Variants in BEST1 observed in about 807,000 individuals in gnomAD.
BEST1 encodes bestrophin-1.
A neutral mutation model predicts 63.3 loss-of-function variants in BEST1; 58 were observed. The observed-to-expected ratio is 0.92, with a 90% confidence interval of 0.74 to 1.14. BEST1 has a LOEUF of 1.14. Ranked by LOEUF, BEST1 falls within the 50% of genes most tolerant of loss-of-function variation. BEST1 has a pLI of 0.00. For synonymous variants in BEST1, 283 were observed against 291.6 expected (o/e 0.97, Z 0.30); for missense variants, 671 against 740.1 (o/e 0.91, Z 1.08).
rs527614503 is a variant in BEST1 at position 61,962,235 on chromosome 11, C to A, written c.1101-20C>A. ...TCCTTTGTCCACTGGCTCAGCCCTGCATCTCCTGTTTCTTTCCAGCCTGAA... is the reference window on the plus strand; with the variant it reads ...TCCTTTGTCCACTGGCTCAGCCCTGAATCTCCTGTTTCTTTCCAGCCTGAA... On this transcript the variant is annotated intron_variant, in intron 9 of 10. Transcript: ENST00000378043. The A allele has an allele frequency of 3.4e-5, 55 of 1,612,958 alleles. No homozygotes were observed. The highest frequency in any genetic ancestry group is 4.2e-5 in the Non-Finnish European group (49 of 1,179,686).
downstream of BEST1, chr11:61,964,488 G>T (rs1942389559): frequency 1.6e-6 from 1 of 627,130 alleles, no homozygotes; most frequent in Admixed American, 2.9e-5. Context: ...GATTAGAACT[G>T]AACAACGGCA....
At chr11:61,959,198 A>C (rs897435551) in intron 7 of BEST1, 5 of 467,380 alleles carry the variant, frequency 1.1e-5, no homozygotes, top group Non-Finnish European at 2.0e-5. Context: ...AAAATTATGC[A>C]ACTCCAGGTA....
chr11:61,960,196 C>T lies in BEST1; in HGVS notation c.1100+153C>T, dbSNP rs185881653. On this transcript the variant is annotated intron_variant, in intron 9 of 10. Transcript: ENST00000378043. ...TTTATAAACATTAACTATTTTTTTC[C>T]TCCCAATAATTCTGGTTTGTTATCC... 1.0e-4 allele frequency: 111 copies of T among 1,105,668 alleles called. No individual in the cohort carries two copies. The African/African-American group carries it at 1.6e-3, about 16-fold the overall frequency. 68.5% of individuals were successfully genotyped at this position (1,105,668 alleles called of 1,614,324 possible).
intron 5 of BEST1, among the ~76,000 whole-genome samples, 157 bp from the exon 6 acceptor site, chr11:61,957,230 A>G (rs1375220236): frequency 5.3e-5 from 8 of 152,088 alleles, no homozygotes; most frequent in Admixed American, 5.2e-4. Flanking sequence ...ATAGATGAGG[A>G]AGCTGAGACA....
chr11:61,955,481 G>A (rs1316891620), intron 3 of BEST1: 2 of 1,233,470 alleles, frequency 1.6e-6, no homozygotes, highest in African/African-American at 3.0e-5. Context: ...AGGGGAGGGG[G>A]TCTGGCGGAT....
intron 9 of BEST1, 134 bp from the exon 10 acceptor site, chr11:61,962,121 G>A: frequency 1.1e-6 from 1 of 872,852 alleles, no homozygotes; most frequent in South Asian, 1.5e-5. Context: ...GGTGAGAGCT[G>A]GGGCATGGTG....
At chr11:61,960,208 C>A in intron 9 of BEST1, 165 bp downstream of exon 9, 1 of 1,040,590 alleles carries the variant, frequency 9.6e-7, no homozygotes, top group Non-Finnish European at 1.4e-6. Context: ...CCCAATAATT[C>A]TGGTTTGTTA....
chr11:61,965,461 G>T (rs1942432018), downstream of BEST1: 6 of 1,609,818 alleles, frequency 3.7e-6, no homozygotes, highest in South Asian at 1.1e-5. Context: ...GATTGGTGAA[G>T]AAAGTATTTG....
chr11:61,955,141 G>A lies in BEST1; in HGVS notation c.187G>A (p.Glu63Lys), dbSNP rs1201722852. The A allele has an allele frequency of 2.5e-6, 4 of 1,613,268 alleles. No individual in the cohort carries two copies. The highest frequency in any genetic ancestry group is 1.1e-5 in the South Asian group (1 of 91,074). ...CACGGAAGAACAACAGCTGATGTTT[G>A]AGAAACTGACTCTGTATTGCGACAG... Reference protein sequence around the residue: ...ALTEEQQLMFEKLTLYCDSYI... With the variant: ...ALTEEQQLMFKKLTLYCDSYI... The change falls in exon 3 of 11, where the codon GAG becomes AAG. Residue 63 changes from glutamate (E) to lysine (K), a missense_variant. Physicochemically the swap from Glu to Lys is moderately conservative, Grantham distance 56. Coordinates refer to ENST00000378043, the MANE Select transcript of BEST1 (RefSeq NM_004183.4).
chr11:61,955,572 C>T lies in BEST1; in HGVS notation c.248-146C>T, dbSNP rs1423821552. On this transcript the variant is annotated intron_variant, in intron 3 of 10. Transcript: ENST00000378043. ...TCCATGCGAGGCTCTGCCTGCCTCT[C>T]GCTCCCGAGCGCCTTCCAGGAGGGC... 10 of 1,045,538 alleles carry T rather than the reference C, an allele frequency of 9.6e-6. No homozygotes were observed. In the South Asian group the frequency reaches 1.3e-4, roughly 14 times the overall value. 64.8% of individuals were successfully genotyped at this position (1,045,538 alleles called of 1,614,324 possible). A position where few individuals can be genotyped will look rare whatever the true frequency, so the allele number is the denominator to read the frequency against.
At chr11:61,963,925 G>C in intron 10 of BEST1, 179 bp from the exon 11 acceptor site, 1 of 1,422,562 alleles carries the variant, frequency 7.0e-7, no homozygotes, top group Non-Finnish European at 9.3e-7. Flanking sequence ...TTGAACCCAG[G>C]AGGTGGTGGT....
At chr11:61,964,716 T>C (rs1591320009), downstream of BEST1, 1 of 1,597,844 alleles carries the variant, frequency 6.3e-7, no homozygotes, top group Non-Finnish European at 8.5e-7. Flanking sequence ...ATGGGGAAAT[T>C]AGCCCGAGGC....
chr11:61,958,447 C>G, intron 7 of BEST1, 149 bp downstream of exon 7: 1 of 1,539,308 alleles, frequency 6.5e-7, no homozygotes. Context: ...GTAATCCCAG[C>G]TACTCGGGAG....
intron 1 of BEST1, among the ~76,000 whole-genome samples, chr11:61,951,295 C>T (rs1940629047): frequency 6.6e-6 from 1 of 152,130 alleles, no homozygotes; most frequent in African/African-American, 2.4e-5. Context: ...GCAACCTCCA[C>T]CTCCTGGGTT....
chr11:61,951,553 C>T (rs1208138085), intron 1 of BEST1, among the ~76,000 whole-genome samples: 1 of 152,168 alleles, frequency 6.6e-6, no homozygotes, highest in African/African-American at 2.4e-5. Flanking sequence ...CGCCTATCTA[C>T]GTCTTCCCTG....
At chr11:61,956,544 A>C (rs1317425506) in intron 4 of BEST1, among the ~76,000 whole-genome samples, 1 of 151,936 alleles carries the variant, frequency 6.6e-6, no homozygotes. Context: ...TCTGAGGCTG[A>C]GTATCGGGAG....
At position 61,963,338 on chromosome 11, in the gene BEST1, C is replaced by T. The variant is rs142798590; in HGVS notation, c.1739+445C>T. 191 of 1,303,074 alleles carry T rather than the reference C, an allele frequency of 1.5e-4. No homozygotes were observed. The African/African-American group carries it at 2.4e-3, about 17-fold the overall frequency. The allele number at this position is 1,303,074 out of a possible 1,614,324, so 80.7% of individuals were successfully genotyped here. On this transcript the variant is annotated intron_variant, in intron 10 of 10. Transcript: ENST00000378043. ...AACTATTTAGGGTAGTACCCAAGCA[C>T]TACAGGAAAGGGTGGCAGGAACTGC...
intron 5 of BEST1, 100 bp from the exon 6 acceptor site, chr11:61,957,287 C>T: frequency 8.6e-7 from 1 of 1,157,918 alleles, no homozygotes. Context: ...CAGGAATGGA[C>T]CATAGGTACC....
chr11:61,954,284 C>T (rs1272354369), intron 2 of BEST1, among the ~76,000 whole-genome samples: 2 of 151,808 alleles, frequency 1.3e-5, no homozygotes, highest in Non-Finnish European at 2.9e-5. Context: ...AATCCCTGAA[C>T]CCACAGTGAC....
Sources: allele counts gnomAD v4.1 joint callset (sites outside exome capture counted in the v4.1 genomes callset), GRCh38; gene constraint gnomAD v4.1.1; transcripts MANE v1.5; gene names NCBI Gene and HGNC (gene_info 2026-07-23, HGNC 2026-07-21).